DENND1A: variants seen among roughly 807,000 people sequenced by gnomAD.
DENND1A encodes DENN domain-containing protein 1A.
A neutral mutation model predicts 113.7 loss-of-function variants in DENND1A; 51 were observed. The ratio of observed to expected loss-of-function variants is 0.45; its 90% CI spans 0.36 to 0.57. The LOEUF is 0.57. Ranked by LOEUF, DENND1A falls within the 20% of genes least tolerant of loss-of-function variation. The pLI, the probability that DENND1A is intolerant of heterozygous loss-of-function variation, is 0.00. For synonymous variants in DENND1A, 565 were observed against 570.8 expected, an observed-to-expected ratio of 0.99 and a Z score of 0.14; for missense variants, 1,258 against 1,395.9, an observed-to-expected ratio of 0.90 and a Z score of 1.57.
intron 10 of DENND1A, among the ~76,000 whole-genome samples, chr9:123,628,437 C>T (rs1267854110): frequency 6.6e-6 from 1 of 151,934 alleles, no homozygotes; most frequent in Non-Finnish European, 1.5e-5. Context: ...AAGGAGCAGC[C>T]TCACTAGGGC....
chr9:123,415,719 G>T (rs907651089), intron 19 of DENND1A, among the ~76,000 whole-genome samples: 1 of 152,314 alleles, frequency 6.6e-6, no homozygotes, highest in Admixed American at 6.5e-5. Context: ...GTCCTCATCT[G>T]TGAGGCCAGT....
Position 123,553,406 on chromosome 9 carries a change from C to G in DENND1A, c.993+4164G>C, listed in dbSNP as rs766198788. Among the ~76,000 whole-genome samples, 76 of 151,210 alleles carry G rather than the reference C, an allele frequency of 5.0e-4. 1 individual carries two copies. The highest frequency in any genetic ancestry group is 1.9e-3 in the South Asian group (9 of 4,716). ...ATTTGCCTTTTTAAAAGCCGCCCCC[C>G]CCCCGCTCCTCATCCCTCCGTGATT... is the stretch of plus-strand genomic sequence containing the variant. On this transcript the variant is annotated intron_variant, in intron 13 of 23. Coordinates refer to ENST00000394215, the MANE Select transcript of DENND1A (RefSeq NM_001352964.2).
intron 2 of DENND1A, among the ~76,000 whole-genome samples, chr9:123,861,461 T>C (rs973208908): frequency 3.3e-5 from 5 of 152,208 alleles, no homozygotes; most frequent in African/African-American, 1.2e-4. Context: ...CCTTTTTCTG[T>C]AAAGCTTTAT....
chr9:123,894,702 T>C lies in DENND1A; in HGVS notation c.18-15681A>G, dbSNP rs1850445487. Among the ~76,000 whole-genome samples, 3 of 152,258 alleles carry C rather than the reference T, an allele frequency of 2.0e-5. No homozygotes were observed. In the South Asian group the frequency reaches 6.2e-4, roughly 31 times the overall value. On this transcript the variant is annotated intron_variant, in intron 1 of 23. Transcript: ENST00000394215. ...AAAAACTATCCTTAATTGGACATCA[T>C]ATTCCTCCTGCCTTTCAGATATGAA...
At chr9:123,894,585 G>C (rs1027877964) in intron 1 of DENND1A, among the ~76,000 whole-genome samples, 3 of 152,222 alleles carry the variant, frequency 2.0e-5, no homozygotes, top group Non-Finnish European at 4.4e-5. Flanking sequence ...CAGCGGATAG[G>C]ATGCAATGAG....
chr9:123,813,876 AG>A (rs1328412984), intron 2 of DENND1A, among the ~76,000 whole-genome samples: 4 of 152,220 alleles, frequency 2.6e-5, no homozygotes, highest in Non-Finnish European at 5.9e-5. Context: ...TCCAAAACTT[AG>A]ATTTAGAAAA....
chr9:123,891,003 CCA>C (rs1849822479), intron 1 of DENND1A, among the ~76,000 whole-genome samples: 1 of 152,056 alleles, frequency 6.6e-6, no homozygotes, highest in Admixed American at 6.6e-5. Flanking sequence ...TTTTTCTCCT[CCA>C]CACACCCTTC....
intron 5 of DENND1A, among the ~76,000 whole-genome samples, chr9:123,705,094 G>T (rs1233304178): frequency 1.3e-5 from 2 of 151,520 alleles, no homozygotes; most frequent in Non-Finnish European, 2.9e-5. Flanking sequence ...ACAAACACAT[G>T]AGAGACAAAG....
At chr9:123,726,556 T>G (rs2067723286) in intron 5 of DENND1A, among the ~76,000 whole-genome samples, 1 of 152,096 alleles carries the variant, frequency 6.6e-6, no homozygotes, top group East Asian at 1.9e-4. Flanking sequence ...AAAAAATGAA[T>G]GAAGAGAATA....
chr9:123,462,006 G>T (rs917792139), intron 13 of DENND1A: 4 of 152,248 alleles, frequency 2.6e-5, no homozygotes, highest in African/African-American at 9.7e-5. Context: ...AACATGATAA[G>T]TGGACACTTC....
intron 5 of DENND1A, among the ~76,000 whole-genome samples, chr9:123,699,244 G>C (rs2065720658): frequency 6.6e-6 from 1 of 152,030 alleles, no homozygotes; most frequent in Non-Finnish European, 1.5e-5. Context: ...GTAAAATATG[G>C]AACACCTTCA....
At chr9:123,909,767 C>A (rs1366937430) in intron 1 of DENND1A, among the ~76,000 whole-genome samples, 1 of 151,766 alleles carries the variant, frequency 6.6e-6, no homozygotes, top group African/African-American at 2.4e-5. Flanking sequence ...CACAGAAAAC[C>A]TGACTGTATA....
intron 10 of DENND1A, among the ~76,000 whole-genome samples, chr9:123,628,982 CAT>C (rs763527422): frequency 3.3e-5 from 5 of 152,200 alleles, no homozygotes; most frequent in Non-Finnish European, 5.9e-5. Flanking sequence ...CTGATTTTCA[CAT>C]GATGTCCCTG....
intron 3 of DENND1A, among the ~76,000 whole-genome samples, chr9:123,786,207 G>A (rs1832144476): frequency 1.3e-5 from 2 of 150,464 alleles, no homozygotes; most frequent in African/African-American, 2.4e-5. Flanking sequence ...GAGCAAGACT[G>A]TCTCAAAAAA....
intron 1 of DENND1A, among the ~76,000 whole-genome samples, chr9:123,886,503 AGGTGT>A (rs1365555772): frequency 1.3e-5 from 2 of 152,232 alleles, no homozygotes; most frequent in African/African-American, 4.8e-5. Flanking sequence ...GAAGGGGCTG[AGGTGT>A]ACCGTTTAAA....
intron 23 of DENND1A, among the ~76,000 whole-genome samples, chr9:123,383,200 A>G (rs1426127435): frequency 6.6e-6 from 1 of 152,212 alleles, no homozygotes; most frequent in Non-Finnish European, 1.5e-5. Context: ...AAGTGAGGAA[A>G]CTGAGGCACC....
intron 13 of DENND1A, among the ~76,000 whole-genome samples, chr9:123,473,399 G>A (rs1167289934): frequency 1.3e-5 from 2 of 152,072 alleles, no homozygotes; most frequent in South Asian, 2.1e-4. Flanking sequence ...GGCTCCAAGC[G>A]CAGCCGTTTA....
intron 11 of DENND1A, among the ~76,000 whole-genome samples, chr9:123,600,228 T>C (rs2137349017): frequency 6.6e-6 from 1 of 152,342 alleles, no homozygotes; most frequent in Non-Finnish European, 1.5e-5. Flanking sequence ...GTCTTTTAGT[T>C]TCTTTGTAAG....
At position 123,616,149 on chromosome 9, in the gene DENND1A, C is replaced by T. The variant is rs545813173; in HGVS notation, c.720-6668G>A. 7.9e-5 allele frequency among the ~76,000 whole-genome samples: 12 copies of T among 152,310 alleles called. No individual in the cohort carries two copies. The South Asian group carries it at 1.7e-3, about 21-fold the overall frequency. ...TTCACCATGTTGCCCAGCTTGGTCTCGAACTCCTGACCTCAGGTGATCCAC... is the reference window on the plus strand; with the variant it reads ...TTCACCATGTTGCCCAGCTTGGTCTTGAACTCCTGACCTCAGGTGATCCAC... On this transcript the variant is annotated intron_variant, in intron 10 of 23. Coordinates refer to ENST00000394215, the MANE Select transcript of DENND1A (RefSeq NM_001352964.2).
Sources: allele counts gnomAD v4.1 joint callset (sites outside exome capture counted in the v4.1 genomes callset), GRCh38; gene constraint gnomAD v4.1.1; transcripts MANE v1.5; gene names NCBI Gene and HGNC (gene_info 2026-07-23, HGNC 2026-07-21).